Variants in PCDH11X observed in about 807,000 individuals in gnomAD.
The protein encoded by PCDH11X is protocadherin 11 X-linked.
A neutral mutation model predicts 53.3 loss-of-function variants in PCDH11X; 18 were observed. The observed-to-expected ratio is 0.34, with a 90% CI of 0.23 to 0.50. PCDH11X has a LOEUF of 0.50. Ranked by LOEUF, PCDH11X falls within the 20% of genes least tolerant of loss-of-function variation. The pLI is 0.98. For synonymous variants in PCDH11X, 279 were observed against 393.3 expected (o/e 0.71, Z 3.44); for missense variants, 570 against 1,032.4 (o/e 0.55, Z 6.14).
chrX:92,444,598 G>A (rs1314059027), intron 9 of PCDH11X, among the ~76,000 whole-genome samples: 2 of 108,046 alleles, frequency 1.9e-5, no homozygotes, highest in Non-Finnish European at 3.8e-5. Flanking sequence ...GTGATAGTAG[G>A]CATTCATGTC....
chrX:92,024,718 CAAAAAA>C lies in PCDH11X; in HGVS notation c.3033+145459_3033+145464del, dbSNP rs199917287. ...CCCTTATAGCCAAGACAATCCTAAG[CAAAAAA>C]AAAAAAAAAAAAACAAAACAAAAAC... On this transcript the variant is annotated intron_variant, in intron 6 of 10. Coordinates refer to ENST00000682573, the MANE Select transcript of PCDH11X (RefSeq NM_032968.5). Among the ~76,000 whole-genome samples, 9 of 54,693 alleles carry C rather than the reference CAAAAAA, an allele frequency of 1.6e-4. No homozygotes were observed. The East Asian group carries it at 2.4e-3, about 14-fold the overall frequency. The allele number at this position is 54,693 out of a possible 115,157, so 47.5% of individuals were successfully genotyped here. A position where few individuals can be genotyped will look rare whatever the true frequency, so the allele number is the denominator to read the frequency against.
chrX:91,903,482 C>T (rs1602463359), intron 6 of PCDH11X, among the ~76,000 whole-genome samples: 3 of 111,299 alleles, frequency 2.7e-5, no homozygotes, highest in Non-Finnish European at 5.7e-5. Context: ...TCATAGTTTA[C>T]GCTTCAGAGA....
At chrX:92,542,998 G>T (rs941711345) in intron 10 of PCDH11X, among the ~76,000 whole-genome samples, 27 of 111,122 alleles carry the variant, frequency 2.4e-4, no homozygotes, top group African/African-American at 8.5e-4. Flanking sequence ...AAATTCTTTA[G>T]CCTACAATTT....
At chrX:92,474,274 C>CT (rs1460197351) in intron 10 of PCDH11X, among the ~76,000 whole-genome samples, 1 of 110,685 alleles carries the variant, frequency 9.0e-6, no homozygotes, top group East Asian at 2.8e-4. Flanking sequence ...TACTACCACT[C>CT]TTTTTTAGTT....
At chrX:92,580,897 G>A (rs1051420627) in intron 10 of PCDH11X, among the ~76,000 whole-genome samples, 21 of 110,772 alleles carry the variant, frequency 1.9e-4, no homozygotes, top group Non-Finnish European at 3.2e-4. Flanking sequence ...CTCCTGGGTG[G>A]GCCATTGCTC....
chrX:92,256,248 C>T (rs1414087414), intron 7 of PCDH11X, among the ~76,000 whole-genome samples: 1 of 111,775 alleles, frequency 8.9e-6, no homozygotes, highest in Admixed American at 9.4e-5. Flanking sequence ...GGAAAGGGAA[C>T]TCCCTGACCC....
intron 4 of PCDH11X, among the ~76,000 whole-genome samples, chrX:91,812,123 T>C (rs1376063020): frequency 9.0e-6 from 1 of 111,430 alleles, no homozygotes; most frequent in East Asian, 2.8e-4. Context: ...ACTCCAATAA[T>C]GTAATACACT....
intron 8 of PCDH11X, among the ~76,000 whole-genome samples, chrX:92,339,132 G>C (rs1247687626): frequency 9.0e-6 from 1 of 111,699 alleles, no homozygotes; most frequent in Non-Finnish European, 1.9e-5. Context: ...ACCAACATCT[G>C]ATTTTTGACA....
At chrX:92,460,405 A>C in intron 9 of PCDH11X, 1 of 887,603 alleles carries the variant, frequency 1.1e-6, no homozygotes, top group Non-Finnish European at 1.6e-6. Flanking sequence ...CGCCAAGATC[A>C]TGGCAGACAT....
rs1214551093 is a variant in PCDH11X, at chrX:91,832,156, G to A, written c.-44-3305G>A. On this transcript the variant is annotated intron_variant, in intron 4 of 10. Transcript: ENST00000682573. ...TCCCATTACTGGGTATATACCCAAAGGATTATAAATCATGCTGCTATAAAG... is the reference window on the plus strand; with the variant it reads ...TCCCATTACTGGGTATATACCCAAAAGATTATAAATCATGCTGCTATAAAG... 2.4e-3 allele frequency among the ~76,000 whole-genome samples: 242 copies of A among 101,208 alleles called. 2 individuals carry two copies. Among genetic ancestry groups the A allele is most frequent in the Non-Finnish European group, 3.8e-3 (189 of 50,067 alleles). The allele number at this position is 101,208 out of a possible 115,157, so 87.9% of individuals were successfully genotyped here.
intron 10 of PCDH11X, among the ~76,000 whole-genome samples, chrX:92,562,815 T>C (rs1388241921): frequency 9.1e-6 from 1 of 110,261 alleles, no homozygotes; most frequent in Non-Finnish European, 1.9e-5. Context: ...CATTTCCCAA[T>C]AAGTTTCTCA....
intron 6 of PCDH11X, among the ~76,000 whole-genome samples, chrX:92,101,778 A>T (rs1433616745): frequency 8.6e-4 from 95 of 110,714 alleles, no homozygotes; most frequent in Non-Finnish European, 9.6e-4. Context: ...GGGTGGGGGC[A>T]AATCCTTGAG....
chrX:92,184,734 G>GA (rs1364971209), intron 6 of PCDH11X, among the ~76,000 whole-genome samples: 2 of 111,032 alleles, frequency 1.8e-5, no homozygotes, highest in Non-Finnish European at 3.8e-5. Flanking sequence ...ACTAAGGAAA[G>GA]AATAGTGTCT....
At chrX:92,571,955 T>A (rs1362124866) in intron 10 of PCDH11X, among the ~76,000 whole-genome samples, 4 of 111,982 alleles carry the variant, frequency 3.6e-5, no homozygotes, top group Non-Finnish European at 7.5e-5. Context: ...AATGAAACAA[T>A]AAAATTTTCA....
At chrX:91,910,684 A>C (rs1349611812) in intron 6 of PCDH11X, among the ~76,000 whole-genome samples, 1 of 111,394 alleles carries the variant, frequency 9.0e-6, no homozygotes, top group African/African-American at 3.3e-5. Context: ...AAGAAGAAAA[A>C]TTTGGAAAGA....
intron 10 of PCDH11X, among the ~76,000 whole-genome samples, chrX:92,567,209 A>C (rs188476836): frequency 9.5e-6 from 1 of 105,747 alleles, no homozygotes; most frequent in East Asian, 2.9e-4. Flanking sequence ...TGAATAAATT[A>C]TTTGGGGCAG....
intron 6 of PCDH11X, among the ~76,000 whole-genome samples, chrX:92,104,901 C>T (rs1334186748): frequency 9.1e-6 from 1 of 110,181 alleles, no homozygotes; most frequent in African/African-American, 3.3e-5. Context: ...GGGTTCTTGC[C>T]CCCTAGGAAA....
At chrX:91,842,433 A>G (rs764189499) in intron 5 of PCDH11X, among the ~76,000 whole-genome samples, 45 of 107,570 alleles carry the variant, frequency 4.2e-4, no homozygotes, top group African/African-American at 1.6e-3. Context: ...CTATTCTACA[A>G]ATAGGTAATA....
chrX:92,331,306 C>CTTA (rs2069473345), intron 8 of PCDH11X, among the ~76,000 whole-genome samples: 2 of 91,684 alleles, frequency 2.2e-5, no homozygotes, highest in African/African-American at 8.2e-5. Context: ...TCTTCTTCTT[C>CTTA]TTCTTCTTCT....
Sources: gnomAD v4.1 joint callset for allele counts (sites outside exome capture counted in the v4.1 genomes callset) on GRCh38, gnomAD v4.1.1 for gene constraint, MANE v1.5 for transcripts, NCBI Gene and HGNC (gene_info 2026-07-23, HGNC 2026-07-21) for gene names.